The following PTCD2 variants were observed in gnomAD, a reference collection of about 807,000 sequenced individuals.
PTCD2 encodes pentatricopeptide repeat domain 2.
In PTCD2, 31 loss-of-function variants were observed where a neutral mutation model predicts 42.6. The observed-to-expected ratio is 0.73, with a 90% CI of 0.55 to 0.98. The LOEUF (loss-of-function observed/expected upper bound fraction) is 0.98, where lower values mean the gene tolerates loss of function less well. PTCD2 is among the 50% of genes least tolerant of loss of function. The pLI, the probability that PTCD2 is intolerant of heterozygous loss-of-function variation, is 0.00. For synonymous variants in PTCD2, 183 were observed against 170.9 expected (o/e 1.07, Z -0.55); for missense variants, 476 against 454.8 (o/e 1.05, Z -0.42).
chr5:72,347,924 G>A (rs1257616763), intron 8 of PTCD2, among the ~76,000 whole-genome samples: 4 of 152,280 alleles, frequency 2.6e-5, no homozygotes, highest in Admixed American at 6.5e-5. Context: ...TGGAATGGGC[G>A]TGTTTCAGGC....
rs943175933 is a variant in PTCD2 at position 72,361,630 on chromosome 5, C to T, written c.*3203C>T. On this transcript the variant is annotated 3_prime_UTR_variant, in exon 10 of 10. Transcript: ENST00000380639. ...TGGTAGGAATTTCAAAGAATAAATT[C>T]TGTGAAACTGTAGTAGATAGTCTGT... 1 of 152,226 alleles carries T rather than the reference C, an allele frequency of 6.6e-6. No individual in the cohort carries two copies. The highest frequency in any genetic ancestry group is 1.9e-4 in the East Asian group (1 of 5,194). The allele number at this position is 152,226 out of a possible 1,614,324, so 9.4% of individuals were successfully genotyped here.
chr5:72,357,086 A>G (rs1752912259), intron 9 of PTCD2, among the ~76,000 whole-genome samples: 1 of 152,186 alleles, frequency 6.6e-6, no homozygotes. Context: ...TCTACTACGT[A>G]TGCCTCTAGC....
chr5:72,328,674 A>C (rs1203141202), intron 3 of PTCD2, among the ~76,000 whole-genome samples: 1 of 151,802 alleles, frequency 6.6e-6, no homozygotes, highest in Non-Finnish European at 1.5e-5. Context: ...TTTGCTTTAC[A>C]TTGTTATAGT....
At chr5:72,322,396 TCATAG>T (rs1750909649) in intron 2 of PTCD2, 132 bp downstream of exon 2, 5 of 647,818 alleles carry the variant, frequency 7.7e-6, no homozygotes, top group Non-Finnish European at 1.1e-5. Context: ...ATTGTTAGTT[TCATAG>T]TGAACTCTTA....
At chr5:72,335,935 A>G (rs766969906) in intron 6 of PTCD2, 50 bp downstream of exon 6, 1 of 1,110,412 alleles carries the variant, frequency 9.0e-7, no homozygotes, top group Non-Finnish European at 1.3e-6. Context: ...AGTCTTTGAG[A>G]GAGGATTTTT....
At chr5:72,344,044 C>G (rs1471154271) in intron 8 of PTCD2, among the ~76,000 whole-genome samples, 1 of 152,114 alleles carries the variant, frequency 6.6e-6, no homozygotes, top group East Asian at 1.9e-4. Context: ...TGGAGTATTC[C>G]AAGATGAGTA....
chr5:72,329,706 T>G (rs1751332074), intron 3 of PTCD2, among the ~76,000 whole-genome samples: 1 of 152,176 alleles, frequency 6.6e-6, no homozygotes, highest in South Asian at 2.1e-4. Context: ...TCATTTAATC[T>G]TCACAAAAAA....
rs1239288301 is a variant in PTCD2 at position 72,358,292 on chromosome 5, G to A, written c.1032G>A (p.Gln344=). Residue 344 remains glutamine (Q), a synonymous_variant, in exon 10 of 10, where the codon CAG becomes CAA. Transcript: ENST00000380639. ...EIYGTLHITG[Q]VTTDSLDAVL... ...ATGGGACACTGCACATCACTGGCCA[G>A]GTCACCACTGATTCTTTGGATGCTG... 6.2e-7 allele frequency: 1 copy of A among 1,614,010 alleles called. No homozygotes were observed. Among genetic ancestry groups the A allele is most frequent in the Admixed American group, 1.7e-5 (1 of 60,004 alleles).
At chr5:72,325,999 T>C (rs2112127713) in intron 2 of PTCD2, among the ~76,000 whole-genome samples, 1 of 152,352 alleles carries the variant, frequency 6.6e-6, no homozygotes, top group Non-Finnish European at 1.5e-5. Context: ...TGCTGCTGTT[T>C]GGAGGACTGT....
chr5:72,340,947 C>T (rs1752021497), intron 7 of PTCD2, among the ~76,000 whole-genome samples: 1 of 144,646 alleles, frequency 6.9e-6, no homozygotes, highest in African/African-American at 2.6e-5. Flanking sequence ...CTTCATCGGC[C>T]AGTTATTTTC....
At chr5:72,350,873 T>G (rs1752589273) in intron 8 of PTCD2, among the ~76,000 whole-genome samples, 1 of 152,234 alleles carries the variant, frequency 6.6e-6, no homozygotes, top group Non-Finnish European at 1.5e-5. Flanking sequence ...GTCTCTATGC[T>G]TTGACTTGGT....
intron 1 of PTCD2, chr5:72,321,409 G>A (rs1750837986): frequency 6.6e-6 from 1 of 152,226 alleles, no homozygotes; most frequent in Admixed American, 6.5e-5. Flanking sequence ...AGAGGGAACT[G>A]TTAGAGGTGG....
chr5:72,352,734 CAT>C lies in PTCD2; in HGVS notation c.923_924del (p.His308ArgfsTer25), dbSNP rs572574803. The stretch of plus-strand genomic sequence containing the variant: ...AAATTTATCAAAATTTGTGAAAAGA[CAT>C]GTGTTCTCGGAGGAAGTGGTGAGTA... ...EGNLSKFVKR[H>X]VFSEEVLAKV... On this transcript the variant is annotated frameshift_variant, in exon 9 of 10. Coordinates refer to ENST00000380639, the MANE Select transcript of PTCD2 (RefSeq NM_024754.5). LOFTEE classifies it low-confidence loss of function (END_TRUNC). 201 of 1,583,088 alleles carry C rather than the reference CAT, an allele frequency of 1.3e-4. No individual in the cohort carries two copies. The highest frequency in any genetic ancestry group is 2.2e-4 in the South Asian group (20 of 90,356).
At position 72,337,459 on chromosome 5, in the gene PTCD2, A is replaced by G. The variant is rs116429757; in HGVS notation, c.640-1163A>G. On this transcript the variant is annotated intron_variant, in intron 6 of 9. Coordinates refer to ENST00000380639, the MANE Select transcript of PTCD2 (RefSeq NM_024754.5). ...TTCCCAGCCTTCTTGTCCTCTACTTAGGGATGCCTCCCTGAGTGTATACTG... is the reference window on the plus strand; with the variant it reads ...TTCCCAGCCTTCTTGTCCTCTACTTGGGGATGCCTCCCTGAGTGTATACTG... 4.6e-3 allele frequency among the ~76,000 whole-genome samples: 696 copies of G among 152,048 alleles called. 8 individuals carry two copies. Among genetic ancestry groups the G allele is most frequent in the African/African-American group, 0.016 (664 of 41,444 alleles).
intron 2 of PTCD2, among the ~76,000 whole-genome samples, chr5:72,324,926 G>GT (rs1205652819): frequency 0.013 from 1,959 of 145,220 alleles, 44 homozygotes; most frequent in African/African-American, 0.042. Flanking sequence ...TTAAGGTGTT[G>GT]TTTTTTTTTT....
chr5:72,338,239 A>G (rs912717200), intron 6 of PTCD2, among the ~76,000 whole-genome samples: 1 of 152,190 alleles, frequency 6.6e-6, no homozygotes, highest in Non-Finnish European at 1.5e-5. Context: ...CCCCAGAAAA[A>G]GTTTCCTGGT....
intron 9 of PTCD2, among the ~76,000 whole-genome samples, chr5:72,352,956 A>C (rs997714334): frequency 6.6e-6 from 1 of 152,130 alleles, no homozygotes. Flanking sequence ...AAATTCTAGG[A>C]AACTTTTCCC....
intron 7 of PTCD2, among the ~76,000 whole-genome samples, chr5:72,339,807 G>A (rs1751961874): frequency 6.6e-6 from 1 of 152,046 alleles, no homozygotes; most frequent in Non-Finnish European, 1.5e-5. Context: ...ATTATAAAGT[G>A]CCTATCTAGG....
At position 72,364,640 on chromosome 5, in the gene PTCD2, TAC is replaced by T. The variant is rs1753160687; in HGVS notation, c.*6215_*6216del. ...TTAACGGCAGATTTTAGTTAATATGTACAGTCTGCCACAATATACTTTAGGCA... is the reference window on the plus strand; with the variant it reads ...TTAACGGCAGATTTTAGTTAATATGTAGTCTGCCACAATATACTTTAGGCA... On this transcript the variant is annotated 3_prime_UTR_variant, in exon 10 of 10. Coordinates refer to ENST00000380639, the MANE Select transcript of PTCD2 (RefSeq NM_024754.5). 1 of 152,210 alleles carries T rather than the reference TAC, an allele frequency of 6.6e-6. No homozygotes were observed. Among genetic ancestry groups the T allele is most frequent in the Admixed American group, 6.5e-5 (1 of 15,276 alleles). The allele number at this position is 152,210 out of a possible 1,614,324, so 9.4% of individuals were successfully genotyped here. A position where few individuals can be genotyped will look rare whatever the true frequency, so the allele number is the denominator to read the frequency against.
Sources: gnomAD v4.1 joint callset for allele counts (sites outside exome capture counted in the v4.1 genomes callset) on GRCh38, gnomAD v4.1.1 for gene constraint, MANE v1.5 for transcripts, NCBI Gene and HGNC (gene_info 2026-07-23, HGNC 2026-07-21) for gene names.